GALNTL6: variants seen among roughly 807,000 people sequenced by gnomAD.
The protein encoded by GALNTL6 is polypeptide N-acetylgalactosaminyltransferase like 6, also known as polypeptide N-acetylgalactosaminyltransferase-like 6.
In GALNTL6, 46 loss-of-function variants were observed where a neutral mutation model predicts 73.7. That is an observed-to-expected ratio of 0.62 (90% CI 0.49 to 0.80). GALNTL6 has a LOEUF of 0.80. Among genes scored for constraint, GALNTL6 ranks in the 30% least tolerant of loss-of-function variants. The probability of loss-of-function intolerance (pLI) is 0.00; values close to 1 mark genes in which losing one functional copy is unlikely to be tolerated. For missense variants in GALNTL6, 604 were observed against 755.0 expected (o/e 0.80, Z 2.34); for synonymous variants, 259 against 263.7 (o/e 0.98, Z 0.17).
intron 2 of GALNTL6, among the ~76,000 whole-genome samples, chr4:172,217,277 G>GT (rs1318093771): frequency 6.6e-6 from 1 of 152,114 alleles, no homozygotes; most frequent in Non-Finnish European, 1.5e-5. Context: ...AAAATGTAGG[G>GT]TAAAATATTT....
intron 5 of GALNTL6, among the ~76,000 whole-genome samples, chr4:172,572,906 A>C (rs1356213981): frequency 6.6e-6 from 1 of 152,130 alleles, no homozygotes. Flanking sequence ...ATTTAAATGG[A>C]TTTCATGCTA....
At chr4:172,060,199 A>G (rs1731153367) in intron 2 of GALNTL6, among the ~76,000 whole-genome samples, 1 of 152,222 alleles carries the variant, frequency 6.6e-6, no homozygotes, top group African/African-American at 2.4e-5. Context: ...AGCCTCAGAG[A>G]AAGAGGACAT....
chr4:171,818,081 C>T (rs1474371888), intron 2 of GALNTL6, among the ~76,000 whole-genome samples: 1 of 151,280 alleles, frequency 6.6e-6, no homozygotes, highest in Non-Finnish European at 1.5e-5. Flanking sequence ...AGAATGATTG[C>T]TATATAGTCA....
chr4:173,004,608 A>C (rs898924612), intron 10 of GALNTL6, among the ~76,000 whole-genome samples: 1 of 152,204 alleles, frequency 6.6e-6, no homozygotes, highest in African/African-American at 2.4e-5. Context: ...CCTGGGGAAC[A>C]AGAGTGAAAC....
intron 5 of GALNTL6, among the ~76,000 whole-genome samples, chr4:172,715,500 A>C (rs1735019492): frequency 8.5e-6 from 1 of 117,838 alleles, no homozygotes; most frequent in Non-Finnish European, 1.9e-5. Context: ...AGCACAGGGT[A>C]CTCTCCAAAT....
In GALNTL6 at chr4:172,341,999, C is replaced by T. The variant is rs577149995; in HGVS notation, c.387-6524C>T. 3.9e-5 allele frequency among the ~76,000 whole-genome samples: 6 copies of T among 152,088 alleles called. No individual in the cohort carries two copies. The South Asian group carries it at 1.2e-3, about 32-fold the overall frequency. On this transcript the variant is annotated intron_variant, in intron 4 of 12. Coordinates refer to ENST00000506823, the MANE Select transcript of GALNTL6 (RefSeq NM_001034845.3). Reference sequence around the variant, plus strand: ...TGTATTATTATTTAAATATGCAAAACCAATATAGGAATATTGTGCATAGTG... The same window carrying T: ...TGTATTATTATTTAAATATGCAAAATCAATATAGGAATATTGTGCATAGTG...
chr4:171,832,830 A>G (rs1735014315), intron 2 of GALNTL6, among the ~76,000 whole-genome samples: 1 of 151,738 alleles, frequency 6.6e-6, no homozygotes, highest in Non-Finnish European at 1.5e-5. Flanking sequence ...GCTGGTGGTA[A>G]GCATTACACG....
At chr4:172,122,396 T>C (rs913365288) in intron 2 of GALNTL6, among the ~76,000 whole-genome samples, 2 of 152,182 alleles carry the variant, frequency 1.3e-5, no homozygotes, top group African/African-American at 4.8e-5. Flanking sequence ...CTTATCATTC[T>C]AGTTTGCAGT....
chr4:172,729,581 C>A (rs1736030166), intron 5 of GALNTL6, among the ~76,000 whole-genome samples: 1 of 152,070 alleles, frequency 6.6e-6, no homozygotes, highest in Non-Finnish European at 1.5e-5. Context: ...CTATTCTGTT[C>A]CATTGGTCCC....
intron 7 of GALNTL6, among the ~76,000 whole-genome samples, chr4:172,838,329 C>A (rs1336045626): frequency 6.6e-6 from 1 of 152,034 alleles, no homozygotes; most frequent in Non-Finnish European, 1.5e-5. Context: ...AGTCAAGAGC[C>A]CAGCAACGTG....
chr4:171,885,157 G>T (rs1041046235), intron 2 of GALNTL6, among the ~76,000 whole-genome samples: 1 of 152,032 alleles, frequency 6.6e-6, no homozygotes, highest in Non-Finnish European at 1.5e-5. Flanking sequence ...ACATGGTCTC[G>T]CATGAAGTCT....
At chr4:171,873,929 G>A (rs901390403) in intron 2 of GALNTL6, among the ~76,000 whole-genome samples, 1 of 152,048 alleles carries the variant, frequency 6.6e-6, no homozygotes. Context: ...TCAATTTGAG[G>A]GAAAGAAACT....
intron 5 of GALNTL6, among the ~76,000 whole-genome samples, chr4:172,756,782 A>G (rs569092269): frequency 6.6e-6 from 1 of 152,328 alleles, no homozygotes; most frequent in African/African-American, 2.4e-5. Context: ...CTCCTCTAGG[A>G]ACTAAAATAT....
chr4:172,707,858 A>G (rs1230919025), intron 5 of GALNTL6, among the ~76,000 whole-genome samples: 1 of 152,132 alleles, frequency 6.6e-6, no homozygotes, highest in Non-Finnish European at 1.5e-5. Flanking sequence ...TCAGATATCA[A>G]GGGTGAGAAG....
At chr4:172,168,262 AG>A (rs1392007593) in intron 2 of GALNTL6, among the ~76,000 whole-genome samples, 7 of 151,934 alleles carry the variant, frequency 4.6e-5, no homozygotes, top group Non-Finnish European at 7.4e-5. Context: ...GTCTTGCTAA[AG>A]TTTTTTGTTT....
At chr4:172,565,753 G>A (rs1463120860) in intron 5 of GALNTL6, among the ~76,000 whole-genome samples, 4 of 115,236 alleles carry the variant, frequency 3.5e-5, no homozygotes, top group Non-Finnish European at 8.3e-5. Context: ...TTTCTTGGGA[G>A]GTTTATGGTT....
chr4:171,888,456 C>T (rs1244639539), intron 2 of GALNTL6, among the ~76,000 whole-genome samples: 2 of 151,454 alleles, frequency 1.3e-5, no homozygotes, highest in Admixed American at 6.6e-5. Flanking sequence ...AACTCATATC[C>T]TGACATAATC....
At chr4:172,771,821 T>A (rs1738779848) in intron 5 of GALNTL6, among the ~76,000 whole-genome samples, 1 of 152,200 alleles carries the variant, frequency 6.6e-6, no homozygotes, top group African/African-American at 2.4e-5. Context: ...CAATGTTCTA[T>A]AGGCCAAGAG....
chr4:172,758,834 A>G (rs1399861349), intron 5 of GALNTL6, among the ~76,000 whole-genome samples: 1 of 152,206 alleles, frequency 6.6e-6, no homozygotes, highest in Non-Finnish European at 1.5e-5. Flanking sequence ...TTATCAGATC[A>G]TAGTATATAT....
Sources: gnomAD v4.1 joint callset for allele counts (sites outside exome capture counted in the v4.1 genomes callset) on GRCh38, gnomAD v4.1.1 for gene constraint, MANE v1.5 for transcripts, NCBI Gene and HGNC (gene_info 2026-07-23, HGNC 2026-07-21) for gene names.